Variants in RFT1 observed in about 807,000 individuals in gnomAD.
The protein encoded by RFT1 is RFT1 glycolipid translocator homolog, also known as man(5)GlcNAc(2)-PP-dolichol translocation protein RFT1.
Under a neutral mutation model 62.2 loss-of-function variants are expected in RFT1, and 43 were observed. The observed-to-expected ratio is 0.69, with a 90% CI of 0.54 to 0.89. The LOEUF (loss-of-function observed/expected upper bound fraction) is 0.89, where lower values mean the gene tolerates loss of function less well. RFT1 is among the 40% of genes least tolerant of loss of function. RFT1 has a pLI of 0.00. For synonymous variants in RFT1, 262 were observed against 264.6 expected, an observed-to-expected ratio of 0.99 and a Z score of 0.10; for missense variants, 605 against 649.9, an observed-to-expected ratio of 0.93 and a Z score of 0.75.
intron 10 of RFT1, 171 bp downstream of exon 10, chr3:53,103,782 G>C (rs999871995): frequency 1.2e-6 from 1 of 804,004 alleles, no homozygotes; most frequent in African/African-American, 1.7e-5. Context: ...CCTATACCTT[G>C]AGTGTGTGTC....
rs1700932708 is a variant in RFT1, at chr3:53,089,472, T to G, written c.*2431A>C. On this transcript the variant is annotated 3_prime_UTR_variant, in exon 13 of 13. Coordinates refer to ENST00000296292, the MANE Select transcript of RFT1 (RefSeq NM_052859.4). ...TGAAAGCCAAAAGTATGATTTCTGC[T>G]CCCCAAATCCACTTGGGTAAAGTGA... The G allele has an allele frequency of 6.6e-6, 1 of 152,168 alleles. No individual in the cohort carries two copies. Among genetic ancestry groups the G allele is most frequent in the African/African-American group, 2.4e-5 (1 of 41,426 alleles). The allele number at this position is 152,168 out of a possible 1,614,324, so 9.4% of individuals were successfully genotyped here.
At chr3:53,080,930 C>T in the RFT1 span, among the ~76,000 whole-genome samples, 1 of 152,208 alleles carries the variant, frequency 6.6e-6, no homozygotes. Flanking sequence ...CCTGGCCCCA[C>T]CACACACACC....
the RFT1 span, among the ~76,000 whole-genome samples, chr3:53,083,200 C>CAAAAA: frequency 4.6e-4 from 18 of 39,384 alleles, 2 homozygotes; most frequent in East Asian, 2.6e-3. Context: ...GATTCCATCT[C>CAAAAA]AAAAAAAAAA....
intron 5 of RFT1, among the ~76,000 whole-genome samples, chr3:53,121,080 T>A (rs1020638902): frequency 6.6e-6 from 1 of 152,244 alleles, no homozygotes; most frequent in African/African-American, 2.4e-5. Context: ...CTGGTAACTA[T>A]CTGATCTTAA....
intron 6 of RFT1, among the ~76,000 whole-genome samples, chr3:53,116,889 C>A (rs1434353866): frequency 5.9e-5 from 9 of 152,220 alleles, no homozygotes; most frequent in Non-Finnish European, 1.3e-4. Flanking sequence ...AGGTGTGAGC[C>A]ACCATGCCCG....
chr3:53,085,526 G>C (rs367609777), downstream of RFT1, among the ~76,000 whole-genome samples: 2 of 152,202 alleles, frequency 1.3e-5, no homozygotes, highest in Non-Finnish European at 2.9e-5. Context: ...AATTGCTACA[G>C]AACATACCAC....
intron 6 of RFT1, among the ~76,000 whole-genome samples, chr3:53,112,247 A>C (rs1267157748): frequency 2.0e-5 from 3 of 152,228 alleles, no homozygotes; most frequent in Non-Finnish European, 4.4e-5. Context: ...AACTGTCTAA[A>C]GCATGCCAGG....
intron 6 of RFT1, among the ~76,000 whole-genome samples, chr3:53,119,575 C>T (rs1207628200): frequency 3.9e-5 from 6 of 152,188 alleles, no homozygotes; most frequent in Admixed American, 1.3e-4. Flanking sequence ...CATTTGGCAA[C>T]GTCTGGAGAC....
intron 10 of RFT1, 29 bp downstream of exon 10, chr3:53,103,923 GA>G: frequency 6.2e-7 from 1 of 1,613,738 alleles, no homozygotes; most frequent in Non-Finnish European, 8.5e-7. Context: ...TGGGAAATCA[GA>G]AAAAATCCAG....
intron 6 of RFT1, among the ~76,000 whole-genome samples, chr3:53,116,786 T>C (rs1207953801): frequency 6.6e-6 from 1 of 151,870 alleles, no homozygotes; most frequent in Non-Finnish European, 1.5e-5. Context: ...GTATTTTTAG[T>C]AGAGACGGGG....
intron 7 of RFT1, among the ~76,000 whole-genome samples, chr3:53,109,256 C>A (rs1306999471): frequency 6.6e-6 from 1 of 152,208 alleles, no homozygotes; most frequent in East Asian, 1.9e-4. Flanking sequence ...ATTCTATAGA[C>A]TCCCTGAGGG....
chr3:53,079,022 G>A, the RFT1 span, among the ~76,000 whole-genome samples: 6 of 152,212 alleles, frequency 3.9e-5, no homozygotes, highest in African/African-American at 1.4e-4. Flanking sequence ...ATACAGTTCC[G>A]GGCTCTCCAG....
At chr3:53,110,913 T>C (rs147550594) in intron 7 of RFT1, among the ~76,000 whole-genome samples, 248 of 152,282 alleles carry the variant, frequency 1.6e-3, no homozygotes, top group African/African-American at 4.6e-3. Context: ...CCAACACATA[T>C]ACATACAAAA....
the RFT1 span, among the ~76,000 whole-genome samples, chr3:53,074,558 G>C: frequency 2.0e-5 from 3 of 152,152 alleles, no homozygotes; most frequent in African/African-American, 7.2e-5. Flanking sequence ...TACTTGAGCA[G>C]CCCTCTCTCC....
chr3:53,106,986 A>G (rs889259190), intron 7 of RFT1, 117 bp from the exon 8 acceptor site: 1 of 757,098 alleles, frequency 1.3e-6, no homozygotes, highest in Non-Finnish European at 2.4e-6. Context: ...ATACTAGGTA[A>G]TCAGTTAAAG....
At chr3:53,127,995 A>G (rs1464057459) in intron 1 of RFT1, among the ~76,000 whole-genome samples, 1 of 151,948 alleles carries the variant, frequency 6.6e-6, no homozygotes, top group Non-Finnish European at 1.5e-5. Context: ...ACCATATAAA[A>G]ATATGGTTAT....
intron 11 of RFT1, among the ~76,000 whole-genome samples, chr3:53,094,155 A>G (rs1031812776): frequency 6.6e-6 from 1 of 151,638 alleles, no homozygotes; most frequent in Admixed American, 6.6e-5. Flanking sequence ...AGGTTGAGGC[A>G]GGAGAATTGC....
intron 8 of RFT1, 71 bp downstream of exon 8, chr3:53,106,746 CAG>C: frequency 9.1e-7 from 1 of 1,093,822 alleles, no homozygotes; most frequent in Non-Finnish European, 1.4e-6. Context: ...TTAAATATAT[CAG>C]AGAAAAATAT....
chr3:53,105,511 G>A (rs1020968435), intron 9 of RFT1, among the ~76,000 whole-genome samples, 162 bp downstream of exon 9: 1 of 151,298 alleles, frequency 6.6e-6, no homozygotes, highest in South Asian at 2.1e-4. Flanking sequence ...CGAAAGAAGA[G>A]GTGAGCCCTG....
Sources: gnomAD v4.1 joint callset for allele counts (sites outside exome capture counted in the v4.1 genomes callset) on GRCh38, gnomAD v4.1.1 for gene constraint, MANE v1.5 for transcripts, NCBI Gene and HGNC (gene_info 2026-07-23, HGNC 2026-07-21) for gene names.